SPNS3: variants seen among roughly 807,000 people sequenced by gnomAD.
SPNS3 encodes protein spinster homolog 3.
In SPNS3, 51 loss-of-function variants were observed where a neutral mutation model predicts 54.4. The ratio of observed to expected loss-of-function variants is 0.94; its 90% CI spans 0.75 to 1.18. The LOEUF (loss-of-function observed/expected upper bound fraction) is 1.18, where lower values mean the gene tolerates loss of function less well. Ranked by LOEUF, SPNS3 falls within the 50% of genes most tolerant of loss-of-function variation. The probability of loss-of-function intolerance (pLI) is 0.00; values close to 1 mark genes in which losing one functional copy is unlikely to be tolerated. For missense variants in SPNS3, 669 were observed against 677.4 expected, an observed-to-expected ratio of 0.99 and a Z score of 0.14; for synonymous variants, 309 against 294.7, an observed-to-expected ratio of 1.05 and a Z score of -0.50.
Position 4,486,400 on chromosome 17 carries a change from TCTC to T in SPNS3, c.1279-7_1279-5del, listed in dbSNP as rs1223340626. 6.3e-7 allele frequency: 1 copy of T among 1,599,640 alleles called. No homozygotes were observed. The highest frequency in any genetic ancestry group is 8.5e-7 in the Non-Finnish European group (1 of 1,171,634). Reference sequence around the variant, plus strand: ...TGGTGGGCCTGGCAGACTCATCCCTTCTCCTCCGCAGATCTCTAGTGTCCTGCG... The same window carrying T: ...TGGTGGGCCTGGCAGACTCATCCCTTCTCCGCAGATCTCTAGTGTCCTGCG... On this transcript the variant is annotated splice_polypyrimidine_tract_variant and intron_variant, in intron 10 of 11. Transcript: ENST00000355530. The surrounding 1 kb of genome is among the most constrained non-coding windows in gnomAD (Gnocchi z 5.5).
At chr17:4,453,443 C>T (rs1971223142) in intron 8 of SPNS3, among the ~76,000 whole-genome samples, 1 of 152,244 alleles carries the variant, frequency 6.6e-6, no homozygotes, top group East Asian at 1.9e-4. Flanking sequence ...ATGGTGAAAC[C>T]CTGTCTCTAC....
Position 4,478,567 on chromosome 17 carries a change from C to G in SPNS3, c.1114-5C>G. 1 of 1,569,310 alleles carries G rather than the reference C, an allele frequency of 6.4e-7. No individual in the cohort carries two copies. Among genetic ancestry groups the G allele is most frequent in the Non-Finnish European group, 8.6e-7 (1 of 1,156,232 alleles). ...ATCCTCACCCAGGCCACCCTCTGTC[C>G]ACAGGTGTTCCTGGGCCTTGGGGAG... On this transcript the variant is annotated splice_polypyrimidine_tract_variant and splice_region_variant and intron_variant, in intron 8 of 11. Coordinates refer to ENST00000355530, the MANE Select transcript of SPNS3 (RefSeq NM_182538.5).
At chr17:4,468,757 C>CTTTCTTTCTTTT (rs1357253571) in intron 8 of SPNS3, among the ~76,000 whole-genome samples, 3 of 140,342 alleles carry the variant, frequency 2.1e-5, no homozygotes, top group Admixed American at 7.1e-5. Context: ...TTCTTTCTTT[C>CTTTCTTTCTTTT]TTTCTCTCTT....
Position 4,435,458 on chromosome 17 carries a change from A to T in SPNS3, c.199+1292A>T, listed in dbSNP as rs573708262. Among the ~76,000 whole-genome samples, 565 of 144,728 alleles carry T rather than the reference A, an allele frequency of 3.9e-3. 7 individuals carry two copies. The highest frequency in any genetic ancestry group is 0.014 in the African/African-American group (516 of 37,558). 94.9% of individuals were successfully genotyped at this position (144,728 alleles called of 152,430 possible). On this transcript the variant is annotated intron_variant, in intron 1 of 11. Coordinates refer to ENST00000355530, the MANE Select transcript of SPNS3 (RefSeq NM_182538.5). The stretch of plus-strand genomic sequence containing the variant: ...TCTGTCTCAAAAAAAAAAAAATAAA[A>T]AATAAAAAATAAATAAATAAATAAA...
chr17:4,480,406 G>A (rs1417926704), intron 9 of SPNS3, among the ~76,000 whole-genome samples: 11 of 152,216 alleles, frequency 7.2e-5, no homozygotes, highest in Admixed American at 4.6e-4. Flanking sequence ...TTATTCATGG[G>A]ATTGTCCACT....
In SPNS3 at chr17:4,487,890, C is replaced by G. The variant is rs149163440; in HGVS notation, c.1535C>G (p.Pro512Arg). The G allele has an allele frequency of 0.011, 18,135 of 1,612,340 alleles. 138 individuals carry two copies. Among genetic ancestry groups the G allele is most frequent in the Middle Eastern group, 0.036 (218 of 6,050 alleles). Residue 512 changes from proline (P) to arginine (R), a missense_variant, in exon 12 of 12, where the codon CCC (proline) becomes CGC (arginine). Coordinates refer to ENST00000355530, the MANE Select transcript of SPNS3 (RefSeq NM_182538.5). ...GGCGCTGGCGCCTCTACAGAGGAGC[C>G]CTGAGGTCCCTGCCTACACTCGTCC... ...LSGAGASTEEP is the reference protein window; with the variant it reads ...LSGAGASTEER
intron 2 of SPNS3, among the ~76,000 whole-genome samples, chr17:4,440,602 G>T (rs1970824664): frequency 6.6e-6 from 1 of 152,098 alleles, no homozygotes; most frequent in Non-Finnish European, 1.5e-5. Context: ...TCGGCCTGTG[G>T]TTCTCCTTCC....
chr17:4,478,672 G>T, intron 9 of SPNS3, 35 bp downstream of exon 9: 2 of 1,566,466 alleles, frequency 1.3e-6, no homozygotes, highest in East Asian at 2.3e-5. Flanking sequence ...GGCTGAGCAG[G>T]GGGAGCTGGA....
At chr17:4,447,075 G>C (rs1262597698) in intron 5 of SPNS3, 113 bp downstream of exon 5, 23 of 982,036 alleles carry the variant, frequency 2.3e-5, no homozygotes, top group Admixed American at 4.9e-5. Context: ...TAGGGGGACG[G>C]GGGGTGGTGG....
intron 8 of SPNS3, among the ~76,000 whole-genome samples, chr17:4,476,626 A>G (rs1972008653): frequency 6.6e-6 from 1 of 152,098 alleles, no homozygotes; most frequent in South Asian, 2.1e-4. Flanking sequence ...AGACCCTGCT[A>G]GGCTGGAATG....
intron 7 of SPNS3, 55 bp from the exon 8 acceptor site, chr17:4,452,961 G>A: frequency 6.5e-7 from 1 of 1,539,776 alleles, no homozygotes; most frequent in Non-Finnish European, 8.9e-7. Context: ...CAGGATAAGA[G>A]TCCCTATGCT....
chr17:4,478,846 G>A (rs775631797), intron 9 of SPNS3, among the ~76,000 whole-genome samples: 3 of 152,202 alleles, frequency 2.0e-5, no homozygotes, highest in Non-Finnish European at 4.4e-5. Flanking sequence ...ACAAATGGAG[G>A]TTCAGAGAAG....
chr17:4,458,592 T>TTCCTTC (rs1341843952), intron 8 of SPNS3, among the ~76,000 whole-genome samples: 705 of 40,316 alleles, frequency 0.017, 28 homozygotes, highest in African/African-American at 0.062. Flanking sequence ...TTCCCTCCTT[T>TTCCTTC]CTTTCTTTCT....
At chr17:4,481,483 G>A (rs8073958) in intron 9 of SPNS3, among the ~76,000 whole-genome samples, 42,136 of 151,852 alleles carry the variant, frequency 0.28, 7,976 homozygotes, top group East Asian at 0.7. Flanking sequence ...GAAGCTAAGG[G>A]CAGGGCACGT....
At chr17:4,445,522 C>T (rs1176843179) in intron 3 of SPNS3, among the ~76,000 whole-genome samples, 1 of 152,042 alleles carries the variant, frequency 6.6e-6, no homozygotes, top group East Asian at 1.9e-4. Context: ...ATACCAGGCG[C>T]GTGCCACCAC....
At chr17:4,464,681 T>C in intron 8 of SPNS3, among the ~76,000 whole-genome samples, 1 of 152,190 alleles carries the variant, frequency 6.6e-6, no homozygotes, top group Non-Finnish European at 1.5e-5. Flanking sequence ...CTGTTCTTTT[T>C]TATTTTTTTA....
At position 4,434,184 on chromosome 17, in the gene SPNS3, A is replaced by C; in HGVS notation, c.199+18A>C. 6.3e-7 allele frequency: 1 copy of C among 1,597,214 alleles called. No individual in the cohort carries two copies. Among genetic ancestry groups the C allele is most frequent in the Non-Finnish European group, 8.5e-7 (1 of 1,170,576 alleles). On this transcript the variant is annotated intron_variant, in intron 1 of 11. Coordinates refer to ENST00000355530, the MANE Select transcript of SPNS3 (RefSeq NM_182538.5). ...CATTGCAGGTGAGGAGGGGATGGCT[A>C]CCCTGGGCAGTACCTGCTGCTGTGC...
intron 1 of SPNS3, among the ~76,000 whole-genome samples, chr17:4,435,398 A>G (rs2143962147): frequency 6.7e-6 from 1 of 150,130 alleles, no homozygotes; most frequent in African/African-American, 2.5e-5. Flanking sequence ...CCAAGATCCC[A>G]CCATTGCACT....
chr17:4,463,675 G>A (rs1971601142), intron 8 of SPNS3, among the ~76,000 whole-genome samples: 1 of 148,376 alleles, frequency 6.7e-6, no homozygotes, highest in South Asian at 2.1e-4. Context: ...GGAGGTGGAG[G>A]TTGCAGTGAG....
Sources: allele counts gnomAD v4.1 joint callset (sites outside exome capture counted in the v4.1 genomes callset), GRCh38; gene constraint gnomAD v4.1.1; non-coding constraint Gnocchi (gnomAD v3.1); transcripts MANE v1.5; gene names NCBI Gene and HGNC (gene_info 2026-07-23, HGNC 2026-07-21).